Variants in ERBB4 observed in about 807,000 individuals in gnomAD.
ERBB4 encodes erb-b2 receptor tyrosine kinase 4, also known as receptor tyrosine-protein kinase erbB-4.
Under a neutral mutation model 158.0 loss-of-function variants are expected in ERBB4, and 42 were observed. The observed-to-expected ratio is 0.27, with a 90% CI of 0.21 to 0.34. The LOEUF is 0.34. Among genes scored for constraint, ERBB4 ranks in the 10% least tolerant of loss-of-function variants. ERBB4 has a pLI of 1.00. For missense variants in ERBB4, 1,333 were observed against 1,624.1 expected (o/e 0.82, Z 3.08); for synonymous variants, 583 against 558.7 (o/e 1.04, Z -0.61).
chr2:211,927,357 T>C (rs1474158002), intron 3 of ERBB4, among the ~76,000 whole-genome samples: 1 of 152,206 alleles, frequency 6.6e-6, no homozygotes, highest in East Asian at 1.9e-4. Context: ...TAATATAATA[T>C]GGATATATTC....
chr2:211,890,393 C>A (rs1395940566), intron 3 of ERBB4, among the ~76,000 whole-genome samples: 4 of 148,132 alleles, frequency 2.7e-5, no homozygotes, highest in South Asian at 4.3e-4. Flanking sequence ...CCTAAAAGAG[C>A]TCCTGAAGGA....
intron 2 of ERBB4, among the ~76,000 whole-genome samples, chr2:211,987,518 G>A (rs2081970004): frequency 6.6e-6 from 1 of 151,816 alleles, no homozygotes; most frequent in Admixed American, 6.6e-5. Context: ...GGGAACATAG[G>A]AGAGAGAAAT....
At chr2:211,623,459 G>A (rs1393867883) in intron 18 of ERBB4, among the ~76,000 whole-genome samples, 1 of 152,052 alleles carries the variant, frequency 6.6e-6, no homozygotes, top group Non-Finnish European at 1.5e-5. Flanking sequence ...TATTTGAATG[G>A]ATTCTAAAAA....
At chr2:211,655,836 G>A (rs1006800087) in intron 16 of ERBB4, among the ~76,000 whole-genome samples, 1 of 152,094 alleles carries the variant, frequency 6.6e-6, no homozygotes, top group Non-Finnish European at 1.5e-5. Flanking sequence ...AACTAGTCTT[G>A]ATTGTGCCCA....
In ERBB4 at chr2:211,378,525, G is replaced by T. The variant is rs193099507; in HGVS notation, c.*5090C>A. 1 of 232,800 alleles carries T rather than the reference G, an allele frequency of 4.3e-6. No homozygotes were observed. Among genetic ancestry groups the T allele is most frequent in the East Asian group, 6.0e-5 (1 of 16,532 alleles). 14.4% of individuals were successfully genotyped at this position (232,800 alleles called of 1,614,324 possible). A position where few individuals can be genotyped will look rare whatever the true frequency, so the allele number is the denominator to read the frequency against. On this transcript the variant is annotated 3_prime_UTR_variant, in exon 28 of 28. Coordinates refer to ENST00000342788, the MANE Select transcript of ERBB4 (RefSeq NM_005235.3). ...GATATTTGCCCACACAAACACAAGG[G>T]CCCCTGGCCCGACACAATGCCCACA...
At chr2:211,935,237 C>T (rs1098066) in intron 3 of ERBB4, among the ~76,000 whole-genome samples, 124,529 of 152,126 alleles carry the variant, frequency 0.82, 51,333 homozygotes, top group African/African-American at 0.88. Context: ...TAACTTTAGA[C>T]GTCACCTTGA....
intron 1 of ERBB4, among the ~76,000 whole-genome samples, chr2:212,235,811 T>C (rs981668895): frequency 2.0e-5 from 3 of 152,216 alleles, no homozygotes; most frequent in Non-Finnish European, 2.9e-5. Flanking sequence ...TTTTTGCACA[T>C]TGATTTTGTA....
chr2:211,772,955 A>ATATTTTTTT lies in ERBB4; in HGVS notation c.556+15069_556+15070insAAAAAAATA. 3.6e-5 allele frequency among the ~76,000 whole-genome samples: 3 copies of ATATTTTTTT among 83,296 alleles called. No individual in the cohort carries two copies. In the South Asian group the frequency reaches 1.5e-3, roughly 41 times the overall value. The allele number at this position is 83,296 out of a possible 152,430, so 54.6% of individuals were successfully genotyped here. A position where few individuals can be genotyped will look rare whatever the true frequency, so the allele number is the denominator to read the frequency against. ...TATATATATATATATATATATATAT[A>ATATTTTTTT]TTTTTTTTTTTAAAGATGGGGTCCT... On this transcript the variant is annotated intron_variant, in intron 4 of 27. Transcript: ENST00000342788.
intron 1 of ERBB4, among the ~76,000 whole-genome samples, chr2:212,205,238 G>T (rs1010789492): frequency 2.0e-5 from 3 of 151,904 alleles, no homozygotes; most frequent in Non-Finnish European, 4.4e-5. Flanking sequence ...TCTGCTCACT[G>T]AAGTCTCTGC....
At chr2:211,961,127 G>C (rs2081169474) in intron 2 of ERBB4, among the ~76,000 whole-genome samples, 1 of 152,026 alleles carries the variant, frequency 6.6e-6, no homozygotes, top group Admixed American at 6.6e-5. Flanking sequence ...AATGGTTCTA[G>C]ATATTCAGCA....
In ERBB4 at chr2:211,905,692, A is replaced by ATG. The variant is rs528650712; in HGVS notation, c.421+41736_421+41737dup. 1.7e-3 allele frequency among the ~76,000 whole-genome samples: 214 copies of ATG among 128,278 alleles called. 3 individuals carry two copies. Among genetic ancestry groups the ATG allele is most frequent in the African/African-American group, 5.9e-3 (202 of 34,288 alleles). 84.2% of individuals were successfully genotyped at this position (128,278 alleles called of 152,430 possible). A position where few individuals can be genotyped will look rare whatever the true frequency, so the allele number is the denominator to read the frequency against. ...TATATATATATATATACACACATAT[A>ATG]TGTGTGTGTATGTGTGTGTATATAT... is the stretch of plus-strand genomic sequence containing the variant. On this transcript the variant is annotated intron_variant, in intron 3 of 27. Coordinates refer to ENST00000342788, the MANE Select transcript of ERBB4 (RefSeq NM_005235.3).
chr2:211,451,897 C>T (rs977869830), intron 20 of ERBB4, among the ~76,000 whole-genome samples: 3 of 152,064 alleles, frequency 2.0e-5, no homozygotes, highest in African/African-American at 7.2e-5. Context: ...AGCAGGTACT[C>T]GAAAGTATTA....
chr2:211,683,745 T>TG (rs1485279782), intron 12 of ERBB4, among the ~76,000 whole-genome samples: 4 of 151,598 alleles, frequency 2.6e-5, no homozygotes, highest in East Asian at 1.9e-4. Flanking sequence ...AGTCAGGGTT[T>TG]TTTTTTTTTT....
intron 1 of ERBB4, among the ~76,000 whole-genome samples, chr2:212,224,981 CACTA>C (rs2083425373): frequency 6.6e-6 from 1 of 152,044 alleles, no homozygotes; most frequent in Non-Finnish European, 1.5e-5. Flanking sequence ...CTAACTAGCA[CACTA>C]ACTAATGTCA....
intron 17 of ERBB4, among the ~76,000 whole-genome samples, chr2:211,625,353 C>T (rs1423244498): frequency 6.6e-6 from 1 of 152,116 alleles, no homozygotes; most frequent in Non-Finnish European, 1.5e-5. Flanking sequence ...GGCCCTGCAG[C>T]TTGGGTATGA....
At chr2:211,810,733 C>T (rs948545500) in intron 3 of ERBB4, among the ~76,000 whole-genome samples, 14 of 133,990 alleles carry the variant, frequency 1.0e-4, no homozygotes, top group Admixed American at 2.7e-4. Flanking sequence ...ACTGCAGTGG[C>T]GCAATCTCGG....
At chr2:211,981,696 T>G (rs756820929) in intron 2 of ERBB4, among the ~76,000 whole-genome samples, 2 of 152,230 alleles carry the variant, frequency 1.3e-5, no homozygotes, top group African/African-American at 4.8e-5. Flanking sequence ...TGGACACTTT[T>G]GTACATACCA....
intron 15 of ERBB4, among the ~76,000 whole-genome samples, chr2:211,664,390 T>C (rs989552077): frequency 2.0e-5 from 3 of 152,094 alleles, no homozygotes; most frequent in African/African-American, 7.2e-5. Context: ...TTTATATGTG[T>C]ATGTGCACAT....
intron 3 of ERBB4, among the ~76,000 whole-genome samples, chr2:211,832,449 GTC>G (rs1044973432): frequency 3.3e-5 from 5 of 151,838 alleles, no homozygotes; most frequent in African/African-American, 1.2e-4. Context: ...TTAGCCTTTA[GTC>G]TCTGATAATT....
Sources: allele counts gnomAD v4.1 joint callset (sites outside exome capture counted in the v4.1 genomes callset), GRCh38; gene constraint gnomAD v4.1.1; transcripts MANE v1.5; gene names NCBI Gene and HGNC (gene_info 2026-07-23, HGNC 2026-07-21).